The following PDE4B variants were observed in gnomAD, a reference collection of about 807,000 sequenced individuals.
PDE4B encodes the protein phosphodiesterase 4B, also known as 3',5'-cyclic-AMP phosphodiesterase 4B.
A neutral mutation model predicts 82.2 loss-of-function variants in PDE4B; 20 were observed. The ratio of observed to expected loss-of-function variants is 0.24; its 90% CI spans 0.17 to 0.35. The LOEUF is 0.35. Among genes scored for constraint, PDE4B ranks in the 10% least tolerant of loss-of-function variants. PDE4B has a pLI of 1.00. For synonymous variants in PDE4B, 320 were observed against 318.9 expected, an observed-to-expected ratio of 1.00 and a Z score of -0.04; for missense variants, 655 against 907.2, an observed-to-expected ratio of 0.72 and a Z score of 3.57.
At chr1:66,180,420 G>C (rs570336495) in intron 3 of PDE4B, among the ~76,000 whole-genome samples, 21 of 152,292 alleles carry the variant, frequency 1.4e-4, no homozygotes, top group African/African-American at 3.8e-4. Context: ...TAAAGTCTTT[G>C]AGAAGTCCTG....
chr1:66,345,023 T>A (rs530107348), intron 8 of PDE4B, among the ~76,000 whole-genome samples: 6 of 152,346 alleles, frequency 3.9e-5, no homozygotes, highest in African/African-American at 1.2e-4. Flanking sequence ...AAAACATATT[T>A]GAAGCATCCC....
At chr1:66,200,348 T>G (rs991681860) in intron 3 of PDE4B, among the ~76,000 whole-genome samples, 1 of 152,206 alleles carries the variant, frequency 6.6e-6, no homozygotes, top group Non-Finnish European at 1.5e-5. Flanking sequence ...TGGTTCCATA[T>G]GAACTTTACA....
chr1:65,858,957 T>C (rs189185404), intron 1 of PDE4B, among the ~76,000 whole-genome samples: 1 of 152,176 alleles, frequency 6.6e-6, no homozygotes, highest in Non-Finnish European at 1.5e-5. Flanking sequence ...ATTTCAGAGA[T>C]GTTTGCACTT....
intron 3 of PDE4B, among the ~76,000 whole-genome samples, chr1:66,174,375 C>A (rs553499042): frequency 6.6e-6 from 1 of 152,170 alleles, no homozygotes; most frequent in Non-Finnish European, 1.5e-5. Flanking sequence ...GGCACACTTA[C>A]ATTTAGTAAA....
chr1:65,936,554 G>C (rs115691447), intron 3 of PDE4B, among the ~76,000 whole-genome samples: 180 of 152,274 alleles, frequency 1.2e-3, no homozygotes, highest in African/African-American at 3.9e-3. Flanking sequence ...GTGGAGATCA[G>C]TTGTTGTTAA....
chr1:66,298,469 C>T (rs1403804603), intron 7 of PDE4B, among the ~76,000 whole-genome samples: 1 of 152,136 alleles, frequency 6.6e-6, no homozygotes, highest in Non-Finnish European at 1.5e-5. Flanking sequence ...TCTTTTACAT[C>T]TTTAAGTTGA....
intron 3 of PDE4B, among the ~76,000 whole-genome samples, chr1:66,172,457 G>T (rs1038527866): frequency 6.6e-6 from 1 of 152,154 alleles, no homozygotes; most frequent in Non-Finnish European, 1.5e-5. Context: ...TTTCCTTTGG[G>T]TATATGCCCA....
At chr1:65,980,629 T>C (rs1296046987) in intron 3 of PDE4B, among the ~76,000 whole-genome samples, 2 of 152,212 alleles carry the variant, frequency 1.3e-5, no homozygotes, top group African/African-American at 2.4e-5. Flanking sequence ...AAAATTTTCC[T>C]TGGCTTCAGT....
chr1:66,109,099 C>T (rs1415486467), intron 3 of PDE4B, among the ~76,000 whole-genome samples: 1 of 151,884 alleles, frequency 6.6e-6, no homozygotes, highest in Non-Finnish European at 1.5e-5. Flanking sequence ...GTAATTAATG[C>T]ATTGTAACTA....
At chr1:66,333,345 C>T (rs1660266432) in intron 8 of PDE4B, among the ~76,000 whole-genome samples, 1 of 152,178 alleles carries the variant, frequency 6.6e-6, no homozygotes, top group African/African-American at 2.4e-5. Context: ...TAATTAACAC[C>T]TGGACTTAGA....
At chr1:66,115,997 A>C (rs1002518121) in intron 3 of PDE4B, among the ~76,000 whole-genome samples, 1 of 151,938 alleles carries the variant, frequency 6.6e-6, no homozygotes, top group Non-Finnish European at 1.5e-5. Flanking sequence ...ATATTTCTTG[A>C]TTGTATTAGT....
At chr1:66,046,686 ATG>A (rs1654733652) in intron 3 of PDE4B, among the ~76,000 whole-genome samples, 1 of 151,888 alleles carries the variant, frequency 6.6e-6, no homozygotes, top group Non-Finnish European at 1.5e-5. Flanking sequence ...CGGGAATTAC[ATG>A]TTTTTGGCCA....
Position 65,945,662 on chromosome 1 carries a change from A to G in PDE4B, c.281+26827A>G, listed in dbSNP as rs1003377294. Among the ~76,000 whole-genome samples, 12 of 152,002 alleles carry G rather than the reference A, an allele frequency of 7.9e-5. 1 individual carries two copies. In the South Asian group the frequency reaches 1.7e-3, roughly 21 times the overall value. On this transcript the variant is annotated intron_variant, in intron 3 of 16. Coordinates refer to ENST00000341517, the MANE Select transcript of PDE4B (RefSeq NM_002600.4). The stretch of plus-strand genomic sequence containing the variant: ...AGCCTATGCCGTTAGGTCCATTCAT[A>G]GACTCTGTCTCTATCACTGTGGCTA...
intron 3 of PDE4B, among the ~76,000 whole-genome samples, chr1:65,956,443 G>A (rs114740300): frequency 0.012 from 1,898 of 151,946 alleles, 41 homozygotes; most frequent in African/African-American, 0.044. Flanking sequence ...AAACACACAC[G>A]TACATGTCTG....
intron 3 of PDE4B, among the ~76,000 whole-genome samples, chr1:66,066,232 T>C (rs1655838779): frequency 6.6e-6 from 1 of 151,834 alleles, no homozygotes; most frequent in Non-Finnish European, 1.5e-5. Context: ...ATATAATTTA[T>C]GTAATTTTGT....
At chr1:66,217,883 A>T (rs970106470) in intron 3 of PDE4B, among the ~76,000 whole-genome samples, 1 of 152,142 alleles carries the variant, frequency 6.6e-6, no homozygotes, top group Non-Finnish European at 1.5e-5. Context: ...AAGTAGCTTG[A>T]GACGAGATCA....
intron 3 of PDE4B, among the ~76,000 whole-genome samples, chr1:66,060,917 T>C (rs1655552583): frequency 6.6e-6 from 1 of 151,864 alleles, no homozygotes; most frequent in Admixed American, 6.6e-5. Context: ...ATCTTTCTTG[T>C]AAAGAGAGTG....
At chr1:66,038,364 C>A (rs1654175013) in intron 3 of PDE4B, among the ~76,000 whole-genome samples, 2 of 151,984 alleles carry the variant, frequency 1.3e-5, no homozygotes, top group South Asian at 2.1e-4. Flanking sequence ...GCCATAGAAC[C>A]ACATAGCAGG....
At chr1:65,960,946 TA>T (rs1331555530) in intron 3 of PDE4B, among the ~76,000 whole-genome samples, 5 of 152,102 alleles carry the variant, frequency 3.3e-5, no homozygotes, top group Admixed American at 3.3e-4. Flanking sequence ...CTCAAATCAA[TA>T]AAAAACATTT....
Sources: allele counts gnomAD v4.1 joint callset (sites outside exome capture counted in the v4.1 genomes callset), GRCh38; gene constraint gnomAD v4.1.1; transcripts MANE v1.5; gene names NCBI Gene and HGNC (gene_info 2026-07-23, HGNC 2026-07-21).